The following CSGALNACT2 variants were observed in gnomAD, a reference collection of about 807,000 sequenced individuals.
The protein encoded by CSGALNACT2 is chondroitin sulfate N-acetylgalactosaminyltransferase 2, also known as beta 4 GalNAcT-2.
Under a neutral mutation model 55.3 loss-of-function variants are expected in CSGALNACT2, and 35 were observed. That is an observed-to-expected ratio of 0.63 (90% CI 0.48 to 0.84). CSGALNACT2 has a LOEUF of 0.84. Among genes scored for constraint, CSGALNACT2 ranks in the 40% least tolerant of loss-of-function variants. The probability of loss-of-function intolerance (pLI) is 0.00; values close to 1 mark genes in which losing one functional copy is unlikely to be tolerated. For missense variants in CSGALNACT2, 544 were observed against 657.5 expected, an observed-to-expected ratio of 0.83 and a Z score of 1.89; for synonymous variants, 196 against 224.9, an observed-to-expected ratio of 0.87 and a Z score of 1.15.
chr10:43,162,915 T>G (rs1257059443), intron 4 of CSGALNACT2: 2 of 985,304 alleles, frequency 2.0e-6, no homozygotes, highest in Non-Finnish European at 2.4e-6. Flanking sequence ...CTCTTTGCCT[T>G]TAGGATACTG....
At position 43,183,348 on chromosome 10, in the gene CSGALNACT2, C is replaced by T. The variant is rs2435381; in HGVS notation, c.1435C>T (p.Pro479Ser). 408,929 of 1,613,590 alleles carry T rather than the reference C, an allele frequency of 0.25. 54,615 individuals are homozygous for T. The highest frequency in any genetic ancestry group is 0.28 in the Non-Finnish European group (324,649 of 1,179,684). Reference sequence around the variant, plus strand: ...CCTCATTGTGATTCGGACTCCGGTTCCTGGTCTTTTCCACCTCTGGCATGA... The same window carrying T: ...CCTCATTGTGATTCGGACTCCGGTTTCTGGTCTTTTCCACCTCTGGCATGA... ...GDLIVIRTPV[P>S]GLFHLWHEKR... Residue 479 changes from proline (P) to serine (S), a missense_variant, in exon 8 of 8, where the codon CCT (proline) becomes TCT (serine). Around this residue, in one of 2 missense-constraint regions of CSGALNACT2, gnomAD observed 170 missense variants for 256.2 expected, o/e 0.66. Coordinates refer to ENST00000374466, the MANE Select transcript of CSGALNACT2 (RefSeq NM_018590.5).
intron 1 of CSGALNACT2, among the ~76,000 whole-genome samples, chr10:43,147,165 C>T (rs1044369690): frequency 2.7e-5 from 4 of 150,802 alleles, no homozygotes; most frequent in South Asian, 2.1e-4. Context: ...TTAGTAGAGA[C>T]GGGGTTTCAC....
intron 1 of CSGALNACT2, among the ~76,000 whole-genome samples, chr10:43,147,619 T>G (rs1159211173): frequency 6.6e-6 from 1 of 152,188 alleles, no homozygotes; most frequent in East Asian, 1.9e-4. Context: ...ATGATTCACC[T>G]TGAATTACAT....
intron 1 of CSGALNACT2, among the ~76,000 whole-genome samples, chr10:43,149,938 A>G (rs969242518): frequency 2.0e-5 from 3 of 152,084 alleles, no homozygotes; most frequent in African/African-American, 7.2e-5. Flanking sequence ...GTGGTGGTGC[A>G]TGCCTGTAAT....
intron 7 of CSGALNACT2, among the ~76,000 whole-genome samples, chr10:43,179,461 C>T (rs915529553): frequency 1.3e-5 from 2 of 151,884 alleles, no homozygotes; most frequent in African/African-American, 4.8e-5. Context: ...CTTCCTCCTT[C>T]CCCGACCTTT....
intron 1 of CSGALNACT2, among the ~76,000 whole-genome samples, chr10:43,150,021 C>A (rs184167299): frequency 6.6e-6 from 1 of 152,116 alleles, no homozygotes; most frequent in South Asian, 2.1e-4. Context: ...GAGCTGAGAT[C>A]GCGCCATTGC....
intron 7 of CSGALNACT2, among the ~76,000 whole-genome samples, chr10:43,179,920 A>C (rs956164408): frequency 1.3e-5 from 2 of 152,248 alleles, no homozygotes; most frequent in African/African-American, 4.8e-5. Flanking sequence ...TTTTAAATAA[A>C]GTCAGTTCCT....
chr10:43,158,667 T>C lies in CSGALNACT2; in HGVS notation c.662-48T>C, dbSNP rs1306010984. ...GTAAAATCTGTCTTCCCATTGAATT[T>C]GTAAACTTTGACATGGAGACGTCTT... is the stretch of plus-strand genomic sequence containing the variant. On this transcript the variant is annotated intron_variant, in intron 2 of 7. Coordinates refer to ENST00000374466, the MANE Select transcript of CSGALNACT2 (RefSeq NM_018590.5). The C allele has an allele frequency of 2.7e-6, 3 of 1,107,238 alleles. No individual in the cohort carries two copies. In the East Asian group the frequency reaches 7.1e-5, roughly 26 times the overall value. The allele number at this position is 1,107,238 out of a possible 1,614,324, so 68.6% of individuals were successfully genotyped here.
Position 43,182,749 on chromosome 10 carries a change from C to T in CSGALNACT2, c.1337-501C>T, listed in dbSNP as rs117862960. Among the ~76,000 whole-genome samples the T allele has an allele frequency of 8.3e-3, 1,258 of 150,962 alleles. 52 individuals are homozygous for T. The East Asian group carries it at 0.096, about 12-fold the overall frequency. ...AAAAAAAGCTGAGTATGGTGACATG[C>T]GCCTGTGGTCCCAGCTACTCGGGGC... On this transcript the variant is annotated intron_variant, in intron 7 of 7. Coordinates refer to ENST00000374466, the MANE Select transcript of CSGALNACT2 (RefSeq NM_018590.5).
intron 1 of CSGALNACT2, among the ~76,000 whole-genome samples, chr10:43,152,993 TA>T (rs1564511711): frequency 6.6e-6 from 1 of 152,194 alleles, no homozygotes; most frequent in Non-Finnish European, 1.5e-5. Context: ...TAAAGCCAAC[TA>T]TTTTTTTTCT....
chr10:43,161,725 C>T (rs779352316), intron 4 of CSGALNACT2, among the ~76,000 whole-genome samples: 1 of 152,218 alleles, frequency 6.6e-6, no homozygotes, highest in Non-Finnish European at 1.5e-5. Context: ...TTTTCACCAT[C>T]TGGGCATGAC....
At chr10:43,154,813 G>A (rs780024922) in intron 1 of CSGALNACT2, 84 bp from the exon 2 acceptor site, 8 of 222,474 alleles carry the variant, frequency 3.6e-5, no homozygotes, top group Non-Finnish European at 5.3e-5. Flanking sequence ...TAGTAGTCAC[G>A]TAGCTAAGTT....
At position 43,183,914 on chromosome 10, in the gene CSGALNACT2, A is replaced by C. The variant is rs1231652111; in HGVS notation, c.*372A>C. Reference sequence around the variant, plus strand: ...GGGCCACTGTTGGGTGGAGAGCAGCACATTCTTACAGAGGAGATGGAGCGT... The same window carrying C: ...GGGCCACTGTTGGGTGGAGAGCAGCCCATTCTTACAGAGGAGATGGAGCGT... On this transcript the variant is annotated 3_prime_UTR_variant, in exon 8 of 8. Coordinates refer to ENST00000374466, the MANE Select transcript of CSGALNACT2 (RefSeq NM_018590.5). 3.8e-6 allele frequency: 1 copy of C among 260,412 alleles called. No individual in the cohort carries two copies. Among genetic ancestry groups the C allele is most frequent in the African/African-American group, 2.2e-5 (1 of 45,128 alleles). The allele number at this position is 260,412 out of a possible 1,614,324, so 16.1% of individuals were successfully genotyped here.
chr10:43,175,137 A>G (rs1839453858), intron 6 of CSGALNACT2, among the ~76,000 whole-genome samples: 2 of 152,240 alleles, frequency 1.3e-5, no homozygotes, highest in African/African-American at 2.4e-5. Flanking sequence ...CAGATAAGAA[A>G]TGTTTTAATC....
chr10:43,153,206 G>A (rs1838916196), intron 1 of CSGALNACT2, among the ~76,000 whole-genome samples: 1 of 151,894 alleles, frequency 6.6e-6, no homozygotes. Flanking sequence ...GTGGTGGCCG[G>A]CGCTTGTAGT....
intron 7 of CSGALNACT2, among the ~76,000 whole-genome samples, chr10:43,180,132 C>T (rs928794209): frequency 1.3e-5 from 2 of 152,182 alleles, no homozygotes; most frequent in South Asian, 4.1e-4. Context: ...GTGGAGCCTC[C>T]ACCCTGTTGC....
chr10:43,156,558 C>T (rs1839013173), intron 2 of CSGALNACT2, among the ~76,000 whole-genome samples: 1 of 152,228 alleles, frequency 6.6e-6, no homozygotes, highest in Admixed American at 6.5e-5. Flanking sequence ...ATTCTATAAA[C>T]TGTGTTATCA....
intron 3 of CSGALNACT2, among the ~76,000 whole-genome samples, chr10:43,159,974 T>G (rs1046185414): frequency 6.6e-6 from 1 of 152,246 alleles, no homozygotes; most frequent in South Asian, 2.1e-4. Flanking sequence ...TGAGATTTAC[T>G]GTTCCAAATA....
At chr10:43,143,803 C>T (rs1260513388) in intron 1 of CSGALNACT2, among the ~76,000 whole-genome samples, 2 of 152,126 alleles carry the variant, frequency 1.3e-5, no homozygotes, top group Admixed American at 6.5e-5. Flanking sequence ...TTTGATATTA[C>T]TTGTCCTTGG....
Sources: allele counts gnomAD v4.1 joint callset (sites outside exome capture counted in the v4.1 genomes callset), GRCh38; gene constraint gnomAD v4.1.1; regional missense constraint gnomAD v4.1.1; transcripts MANE v1.5; gene names NCBI Gene and HGNC (gene_info 2026-07-23, HGNC 2026-07-21).